Variants in GALC observed in about 807,000 individuals in gnomAD.
GALC encodes galactosylceramidase, also known as galactocerebrosidase.
In GALC, 77 loss-of-function variants were observed where a neutral mutation model predicts 91.8. The observed-to-expected ratio is 0.84, with a 90% confidence interval of 0.70 to 1.01. The LOEUF (loss-of-function observed/expected upper bound fraction) is 1.01. GALC is among the 50% of genes least tolerant of loss of function. The pLI is 0.00. For missense variants in GALC, 882 were observed against 855.9 expected (o/e 1.03, Z -0.38); for synonymous variants, 357 against 306.7 (o/e 1.16, Z -1.71).
chr14:87,991,277 A>ACTGCAACCTCCGCCTCC (rs1887189646), intron 1 of GALC, among the ~76,000 whole-genome samples: 1 of 152,124 alleles, frequency 6.6e-6, no homozygotes, highest in African/African-American at 2.4e-5. Flanking sequence ...ATCCCGGCTC[A>ACTGCAACCTCCGCCTCC]CTGCAACCTC....
intron 7 of GALC, among the ~76,000 whole-genome samples, chr14:87,974,940 A>G (rs970553841): frequency 1.3e-5 from 2 of 152,056 alleles, no homozygotes; most frequent in African/African-American, 4.8e-5. Context: ...AGTAAAACCC[A>G]TATTTTCATG....
intron 12 of GALC, among the ~76,000 whole-genome samples, chr14:87,948,813 A>G (rs1283739897): frequency 6.6e-6 from 1 of 151,956 alleles, no homozygotes; most frequent in Non-Finnish European, 1.5e-5. Flanking sequence ...AGAACTTAAT[A>G]CATAATAAGG....
chr14:87,952,885 T>C (rs1885370159), intron 10 of GALC: 2 of 1,023,040 alleles, frequency 2.0e-6, no homozygotes, highest in Admixed American at 1.8e-5. Flanking sequence ...GTTCTGCATT[T>C]AACTGAAAAG....
chr14:87,992,791 G>T lies in GALC; in HGVS notation c.195+179C>A. The T allele has an allele frequency of 2.8e-6, 4 of 1,409,604 alleles. No individual in the cohort carries two copies. In the South Asian group the frequency reaches 4.7e-5, roughly 17 times the overall value. 87.3% of individuals were successfully genotyped at this position (1,409,604 alleles called of 1,614,324 possible). ...TGTCTGGTTCGTGTTAAACGAGAAAGCACCCGCCCCAGCCCCGCAGCGGGC... is the reference window on the plus strand; with the variant it reads ...TGTCTGGTTCGTGTTAAACGAGAAATCACCCGCCCCAGCCCCGCAGCGGGC... On this transcript the variant is annotated intron_variant, in intron 1 of 16. Transcript: ENST00000261304.
chr14:87,940,006 A>G (rs747589733), intron 15 of GALC, 25 bp from the exon 16 acceptor site: 2 of 1,548,380 alleles, frequency 1.3e-6, no homozygotes, highest in Non-Finnish European at 1.8e-6. Flanking sequence ...TATTATCCCA[A>G]TAGATATAAT....
intron 10 of GALC, among the ~76,000 whole-genome samples, chr14:87,960,544 G>A (rs1885758932): frequency 6.6e-6 from 1 of 152,118 alleles, no homozygotes; most frequent in Admixed American, 6.5e-5. Flanking sequence ...ATATGACAAA[G>A]TTGAAATACT....
At chr14:87,948,862 A>C (rs2139959100) in intron 12 of GALC, among the ~76,000 whole-genome samples, 1 of 152,178 alleles carries the variant, frequency 6.6e-6, no homozygotes, top group South Asian at 2.1e-4. Context: ...TTATCAGAAC[A>C]TTAATAATAA....
chr14:87,960,956 G>A (rs961876463), intron 10 of GALC, among the ~76,000 whole-genome samples: 1 of 151,996 alleles, frequency 6.6e-6, no homozygotes, highest in East Asian at 1.9e-4. Flanking sequence ...AAACAAAAGA[G>A]AAAACAAAGT....
chr14:87,937,750 T>C (rs1189047039), intron 16 of GALC, among the ~76,000 whole-genome samples: 1 of 151,630 alleles, frequency 6.6e-6, no homozygotes, highest in Admixed American at 6.6e-5. Context: ...TGAAAAAAAT[T>C]AAGAAAATTT....
At chr14:87,963,102 G>C (rs1015784117) in intron 10 of GALC, among the ~76,000 whole-genome samples, 10 of 152,090 alleles carry the variant, frequency 6.6e-5, no homozygotes, top group African/African-American at 2.4e-4. Context: ...AGGTCGTGAA[G>C]GTCGTCTCCA....
At chr14:87,963,195 T>C in intron 10 of GALC, 189 bp downstream of exon 10, 1 of 573,766 alleles carries the variant, frequency 1.7e-6, no homozygotes, top group South Asian at 2.0e-5. Flanking sequence ...AACTATTTTG[T>C]ACAAATCAGT....
At chr14:87,966,500 T>C (rs1320328566) in intron 8 of GALC, among the ~76,000 whole-genome samples, 2 of 149,314 alleles carry the variant, frequency 1.3e-5, no homozygotes, top group Non-Finnish European at 3.0e-5. Context: ...CCTCATCCAG[T>C]ATAAAAAAAA....
intron 12 of GALC, among the ~76,000 whole-genome samples, chr14:87,948,207 T>C (rs538172639): frequency 6.6e-6 from 1 of 152,130 alleles, no homozygotes; most frequent in African/African-American, 2.4e-5. Flanking sequence ...ATTCGATACA[T>C]GCAACTAAGA....
intron 1 of GALC, among the ~76,000 whole-genome samples, chr14:87,991,876 T>C (rs1026849453): frequency 6.6e-6 from 1 of 152,140 alleles, no homozygotes; most frequent in Non-Finnish European, 1.5e-5. Flanking sequence ...CAAGTAAAGC[T>C]ATAAAAAAGA....
At chr14:87,950,577 T>C in intron 11 of GALC, 82 bp downstream of exon 11, 3 of 852,250 alleles carry the variant, frequency 3.5e-6, no homozygotes, top group Non-Finnish European at 5.8e-6. Flanking sequence ...AATATAAGGC[T>C]TCACTTAAGA....
intron 9 of GALC, among the ~76,000 whole-genome samples, chr14:87,964,447 A>T (rs1258029412): frequency 6.6e-6 from 1 of 152,152 alleles, no homozygotes; most frequent in African/African-American, 2.4e-5. Context: ...AATGGTAATA[A>T]ATGTTTATAA....
intron 10 of GALC, chr14:87,954,794 C>T: frequency 6.2e-7 from 1 of 1,602,740 alleles, no homozygotes. Flanking sequence ...ACTGGCTGCG[C>T]AAAATATGGA....
At chr14:87,981,761 CTCT>C (rs1886757565) in intron 6 of GALC, among the ~76,000 whole-genome samples, 3 of 152,060 alleles carry the variant, frequency 2.0e-5, no homozygotes, top group Admixed American at 2.0e-4. Flanking sequence ...TTACTGCTAC[CTCT>C]TTGCTAATCA....
rs1885416211 is a variant in GALC, at chr14:87,954,033, C to A, written c.1162-3285G>T. On this transcript the variant is annotated intron_variant, in intron 10 of 16. Coordinates refer to ENST00000261304, the MANE Select transcript of GALC (RefSeq NM_000153.4). ...CGCAGATGTTGTTATTCATGAGGAC[C>A]AATGGGTTGGCGAGACAGTACTACA... 2.5e-6 allele frequency: 4 copies of A among 1,609,742 alleles called. No homozygotes were observed. In the Admixed American group the frequency reaches 6.7e-5, roughly 27 times the overall value.
Sources: allele counts gnomAD v4.1 joint callset (sites outside exome capture counted in the v4.1 genomes callset), GRCh38; gene constraint gnomAD v4.1.1; transcripts MANE v1.5; gene names NCBI Gene and HGNC (gene_info 2026-07-23, HGNC 2026-07-21).